The following CFAP99 variants were observed in gnomAD, a reference collection of about 807,000 sequenced individuals.
The protein encoded by CFAP99 is cilia and flagella associated protein 99.
In CFAP99, 84 loss-of-function variants were observed where a neutral mutation model predicts 82.7. That is an observed-to-expected ratio of 1.02 (90% CI 0.85 to 1.22). CFAP99 has a LOEUF of 1.22. Ranked by LOEUF, CFAP99 falls within the 50% of genes most tolerant of loss-of-function variation. The pLI is 0.00. For missense variants in CFAP99, 1,059 were observed against 983.5 expected (o/e 1.08, Z -1.03); for synonymous variants, 456 against 429.5 (o/e 1.06, Z -0.76).
At chr4:2,459,034 G>A in intron 12 of CFAP99, 73 bp from the exon 13 acceptor site, 5 of 1,452,790 alleles carry the variant, frequency 3.4e-6, no homozygotes, top group Non-Finnish European at 4.5e-6. Context: ...GGGAACCCTG[G>A]GGGAGGTGCC....
chr4:2,423,647 G>C (rs967010749), intron 1 of CFAP99, among the ~76,000 whole-genome samples: 2 of 152,290 alleles, frequency 1.3e-5, no homozygotes, highest in Admixed American at 6.5e-5. Context: ...GGCCATGAAG[G>C]GGGTGGGAAC....
chr4:2,439,400 A>C (rs985265361), intron 4 of CFAP99, among the ~76,000 whole-genome samples: 1 of 152,180 alleles, frequency 6.6e-6, no homozygotes, highest in African/African-American at 2.4e-5. Context: ...CCCTGGGCCC[A>C]GATCTTCGAG....
chr4:2,442,623 G>A (rs528087395), intron 4 of CFAP99, among the ~76,000 whole-genome samples: 32 of 152,244 alleles, frequency 2.1e-4, no homozygotes, highest in Admixed American at 6.5e-4. Flanking sequence ...TTCTGGGGCC[G>A]TCACCATGGA....
chr4:2,426,758 C>T, intron 2 of CFAP99, 172 bp downstream of exon 2: 2 of 593,964 alleles, frequency 3.4e-6, no homozygotes, highest in Non-Finnish European at 6.1e-6. Flanking sequence ...GCTCCTGGCA[C>T]CCAGAATGTG....
intron 11 of CFAP99, among the ~76,000 whole-genome samples, chr4:2,455,513 AAAAACAAACAAAC>A (rs972007117): frequency 6.6e-6 from 1 of 152,114 alleles, no homozygotes; most frequent in African/African-American, 2.4e-5. Flanking sequence ...TGTCTACTAA[AAAAACAAACAAAC>A]AAACAAACAA....
intron 14 of CFAP99, among the ~76,000 whole-genome samples, chr4:2,461,883 C>T (rs1000711906): frequency 3.9e-5 from 6 of 152,016 alleles, no homozygotes; most frequent in African/African-American, 1.5e-4. Context: ...GCAGGGGGTA[C>T]CTCCAGGCAA....
intron 4 of CFAP99, among the ~76,000 whole-genome samples, chr4:2,442,401 C>T (rs762114764): frequency 6.6e-6 from 1 of 152,118 alleles, no homozygotes; most frequent in Non-Finnish European, 1.5e-5. Flanking sequence ...TCCCTGGTTT[C>T]CTCTGCATGG....
chr4:2,452,638 G>A (rs1425803961), intron 11 of CFAP99, among the ~76,000 whole-genome samples: 1 of 152,192 alleles, frequency 6.6e-6, no homozygotes, highest in Non-Finnish European at 1.5e-5. Context: ...CTCCTGGGAC[G>A]TATCCCTTTG....
At chr4:2,439,440 C>A (rs938829028) in intron 4 of CFAP99, among the ~76,000 whole-genome samples, 2 of 152,194 alleles carry the variant, frequency 1.3e-5, no homozygotes, top group African/African-American at 4.8e-5. Flanking sequence ...GCTAGCTCTT[C>A]AGGGGGTGTT....
intron 4 of CFAP99, among the ~76,000 whole-genome samples, chr4:2,440,898 T>A (rs1212556075): frequency 1.3e-5 from 2 of 151,678 alleles, no homozygotes; most frequent in African/African-American, 4.8e-5. Context: ...CCGGCCAAAA[T>A]TTTTTTTAAA....
At chr4:2,424,499 G>A (rs1297041256) in intron 1 of CFAP99, among the ~76,000 whole-genome samples, 1 of 152,192 alleles carries the variant, frequency 6.6e-6, no homozygotes, top group Non-Finnish European at 1.5e-5. Context: ...CTCAGGTGGT[G>A]CAGCCAGCAG....
intron 2 of CFAP99, among the ~76,000 whole-genome samples, chr4:2,429,578 A>C (rs1357934962): frequency 6.9e-6 from 1 of 144,438 alleles, no homozygotes; most frequent in Non-Finnish European, 1.5e-5. Flanking sequence ...GGTTTTTCAG[A>C]TCTTTTCTTT....
intron 7 of CFAP99, 60 bp from the exon 8 acceptor site, chr4:2,449,874 T>A: frequency 6.5e-7 from 1 of 1,529,308 alleles, no homozygotes; most frequent in Non-Finnish European, 8.8e-7. Context: ...CGTCCTCCCA[T>A]GGCCTGGAGG....
chr4:2,430,837 C>T (rs1419861402), intron 2 of CFAP99, among the ~76,000 whole-genome samples: 2 of 152,054 alleles, frequency 1.3e-5, no homozygotes, highest in East Asian at 3.9e-4. Context: ...CGTTGGGAGG[C>T]TGAGGTAGGA....
At chr4:2,459,897 G>A in intron 13 of CFAP99, 140 bp from the exon 14 acceptor site, 3 of 727,280 alleles carry the variant, frequency 4.1e-6, no homozygotes, top group East Asian at 2.7e-5. Context: ...TGGAGAGGCT[G>A]GGGGCATGTT....
At position 2,445,283 on chromosome 4, in the gene CFAP99, TC is replaced by T. The variant is rs1286315047; in HGVS notation, c.620del (p.Pro207ArgfsTer39). 1 of 1,376,318 alleles carries T rather than the reference TC, an allele frequency of 7.3e-7. No homozygotes were observed. The highest frequency in any genetic ancestry group is 3.3e-5 in the Admixed American group (1 of 30,526). The allele number at this position is 1,376,318 out of a possible 1,614,324, so 85.3% of individuals were successfully genotyped here. On this transcript the variant is annotated frameshift_variant, in exon 6 of 15. Coordinates refer to ENST00000635017, the Ensembl canonical transcript of CFAP99. LOFTEE classifies it high-confidence loss of function. ...CGCACCATTCCAGCGCCCGAACCAG[TC>T]CCGGTCGTGGCCAAGCCGAGACCCG...
intron 10 of CFAP99, 67 bp downstream of exon 10, chr4:2,451,419 A>T: frequency 6.8e-7 from 1 of 1,477,960 alleles, no homozygotes; most frequent in Non-Finnish European, 9.1e-7. Context: ...GGCTCAGAGG[A>T]GGGGCCTGGG....
At chr4:2,461,575 C>G (rs1437582527) in intron 14 of CFAP99, among the ~76,000 whole-genome samples, 2 of 152,192 alleles carry the variant, frequency 1.3e-5, no homozygotes, top group African/African-American at 4.8e-5. Flanking sequence ...CTGGCCACGG[C>G]CTGGCAGAGC....
intron 1 of CFAP99, among the ~76,000 whole-genome samples, chr4:2,420,417 A>G (rs1465056075): frequency 1.3e-5 from 2 of 152,086 alleles, no homozygotes; most frequent in Non-Finnish European, 2.9e-5. Flanking sequence ...CTTCCCCCAT[A>G]AAACCTGCTG....
Sources: allele counts gnomAD v4.1 joint callset (sites outside exome capture counted in the v4.1 genomes callset), GRCh38; gene constraint gnomAD v4.1.1; transcripts MANE v1.5; gene names NCBI Gene and HGNC (gene_info 2026-07-23, HGNC 2026-07-21).